The following RBM27 variants were observed in gnomAD, a reference collection of about 807,000 sequenced individuals.
The protein encoded by RBM27 is RNA binding motif protein 27.
In RBM27, 22 loss-of-function variants were observed where a neutral mutation model predicts 135.3. The observed-to-expected ratio is 0.16, with a 90% CI of 0.12 to 0.23. RBM27 has a LOEUF of 0.23. RBM27 is among the 10% of genes least tolerant of loss of function. The pLI, the probability that RBM27 is intolerant of heterozygous loss-of-function variation, is 1.00. For synonymous variants in RBM27, 481 were observed against 442.4 expected, an observed-to-expected ratio of 1.09 and a Z score of -1.10; for missense variants, 1,009 against 1,281.0, an observed-to-expected ratio of 0.79 and a Z score of 3.24.
chr5:146,228,632 ACT>A (rs1408396711), intron 3 of RBM27, among the ~76,000 whole-genome samples: 1 of 151,664 alleles, frequency 6.6e-6, no homozygotes, highest in East Asian at 1.9e-4. Flanking sequence ...GAAAGGTCTC[ACT>A]CTGTCATCCA....
Position 146,288,601 on chromosome 5 carries a change from A to C in RBM27, c.*2571A>C, listed in dbSNP as rs1238278837. Reference sequence around the variant, plus strand: ...TAACTGCCATACATGTTTTCTTGGCATCTTCATTTACAGAAATAACATACA... The same window carrying C: ...TAACTGCCATACATGTTTTCTTGGCCTCTTCATTTACAGAAATAACATACA... On this transcript the variant is annotated 3_prime_UTR_variant, in exon 21 of 21. Coordinates refer to ENST00000265271, the MANE Select transcript of RBM27 (RefSeq NM_018989.2). The C allele has an allele frequency of 6.6e-6, 1 of 152,118 alleles. No individual in the cohort carries two copies. Among genetic ancestry groups the C allele is most frequent in the East Asian group, 1.9e-4 (1 of 5,204 alleles). 9.4% of individuals were successfully genotyped at this position (152,118 alleles called of 1,614,324 possible).
chr5:146,265,991 G>C (rs1443528522), intron 14 of RBM27, among the ~76,000 whole-genome samples: 7 of 152,088 alleles, frequency 4.6e-5, no homozygotes, highest in Admixed American at 6.5e-5. Context: ...CACTGAAAAG[G>C]TCTAGAAATA....
intron 14 of RBM27, among the ~76,000 whole-genome samples, chr5:146,264,364 G>A (rs146772075): frequency 0.011 from 1,623 of 151,988 alleles, 31 homozygotes; most frequent in African/African-American, 0.038. Flanking sequence ...TGTATTTTTA[G>A]TGGAGATGGG....
chr5:146,237,916 G>A (rs1036468796), intron 8 of RBM27, among the ~76,000 whole-genome samples: 4 of 152,138 alleles, frequency 2.6e-5, no homozygotes, highest in African/African-American at 9.7e-5. Context: ...TCGAACTCCT[G>A]ACCTCAGGTG....
intron 7 of RBM27, among the ~76,000 whole-genome samples, chr5:146,237,077 T>C (rs1255487475): frequency 6.6e-6 from 1 of 151,908 alleles, no homozygotes; most frequent in Non-Finnish European, 1.5e-5. Context: ...TAGCTGGGAT[T>C]ACAGGCATGT....
chr5:146,279,063 G>A (rs1291447782), intron 19 of RBM27, among the ~76,000 whole-genome samples: 1 of 152,078 alleles, frequency 6.6e-6, no homozygotes, highest in Non-Finnish European at 1.5e-5. Context: ...ATTTAGATGT[G>A]TATGTGAGAG....
intron 3 of RBM27, 30 bp from the exon 4 acceptor site, chr5:146,228,916 C>T (rs1292919027): frequency 6.3e-7 from 1 of 1,593,188 alleles, no homozygotes; most frequent in Non-Finnish European, 8.6e-7. Context: ...CCTGGCCCTG[C>T]TCTTACTTCT....
chr5:146,279,152 A>T (rs1206969940), intron 19 of RBM27, among the ~76,000 whole-genome samples: 3 of 152,064 alleles, frequency 2.0e-5, no homozygotes, highest in Non-Finnish European at 2.9e-5. Flanking sequence ...AGATTTTTTT[A>T]AAAAGTACTT....
chr5:146,250,000 T>C (rs1757813065), intron 8 of RBM27, among the ~76,000 whole-genome samples: 1 of 152,210 alleles, frequency 6.6e-6, no homozygotes, highest in Non-Finnish European at 1.5e-5. Context: ...CCTCTTTTGC[T>C]TCTTATATAC....
At chr5:146,284,755 A>G (rs1759514687) in intron 20 of RBM27, 23 bp downstream of exon 20, 2 of 1,373,856 alleles carry the variant, frequency 1.5e-6, no homozygotes, top group South Asian at 2.4e-5. Flanking sequence ...GTTGGAAATA[A>G]GAGTTGAATT....
intron 4 of RBM27, 62 bp downstream of exon 4, chr5:146,229,099 A>G: frequency 7.8e-7 from 1 of 1,286,718 alleles, no homozygotes; most frequent in Non-Finnish European, 1.1e-6. Flanking sequence ...CCTTGCAAGG[A>G]CATTAAAGGG....
At chr5:146,228,872 TA>T in intron 3 of RBM27, 73 bp from the exon 4 acceptor site, 1 of 1,231,346 alleles carries the variant, frequency 8.1e-7, no homozygotes, top group Non-Finnish European at 1.2e-6. Flanking sequence ...CTGGACCTCG[TA>T]AAATGTTGGG....
intron 1 of RBM27, among the ~76,000 whole-genome samples, chr5:146,215,220 C>T (rs1228716482): frequency 6.6e-6 from 1 of 151,910 alleles, no homozygotes; most frequent in Non-Finnish European, 1.5e-5. Context: ...TGGCTAATTT[C>T]TGTATTTTTA....
intron 1 of RBM27, among the ~76,000 whole-genome samples, chr5:146,207,647 G>A (rs1227823076): frequency 4.0e-5 from 6 of 151,118 alleles, no homozygotes; most frequent in African/African-American, 7.3e-5. Flanking sequence ...TGCATGTAAC[G>A]GGAGATATTT....
chr5:146,282,000 CTTTT>C (rs777368235), intron 19 of RBM27, among the ~76,000 whole-genome samples: 2 of 101,498 alleles, frequency 2.0e-5, no homozygotes, highest in Admixed American at 1.2e-4. Flanking sequence ...TATTTTTCAT[CTTTT>C]TTTTTTTTTT....
chr5:146,219,180 A>G (rs972451153), intron 2 of RBM27, 77 bp downstream of exon 2: 11 of 989,106 alleles, frequency 1.1e-5, no homozygotes, highest in Admixed American at 2.4e-5. Flanking sequence ...TCTTGGAGAT[A>G]TAAGCTTGAT....
intron 14 of RBM27, among the ~76,000 whole-genome samples, chr5:146,263,940 A>T (rs546864412): frequency 6.6e-6 from 1 of 151,336 alleles, no homozygotes; most frequent in South Asian, 2.1e-4. Context: ...CCCCCTCTCT[A>T]CTAAAAATAC....
chr5:146,232,865 C>T (rs1327146213), intron 6 of RBM27, among the ~76,000 whole-genome samples: 2 of 152,182 alleles, frequency 1.3e-5, no homozygotes, highest in African/African-American at 4.8e-5. Flanking sequence ...CTGCGCCCAG[C>T]CCTGCTTCTT....
At chr5:146,262,752 A>G (rs969817371) in intron 13 of RBM27, among the ~76,000 whole-genome samples, 1 of 152,132 alleles carries the variant, frequency 6.6e-6, no homozygotes, top group Non-Finnish European at 1.5e-5. Flanking sequence ...TCATACTATC[A>G]CCTTCATGGT....
Sources: gnomAD v4.1 joint callset for allele counts (sites outside exome capture counted in the v4.1 genomes callset) on GRCh38, gnomAD v4.1.1 for gene constraint, MANE v1.5 for transcripts, NCBI Gene and HGNC (gene_info 2026-07-23, HGNC 2026-07-21) for gene names.